OTOG: variants seen among roughly 807,000 people sequenced by gnomAD.
The protein encoded by OTOG is otogelin.
OTOG carries 296 observed loss-of-function variants against 313.8 expected under a neutral mutation model. The observed-to-expected ratio is 0.94, with a 90% CI of 0.86 to 1.04. OTOG has a LOEUF of 1.04. OTOG is among the 50% of genes least tolerant of loss of function. The probability of loss-of-function intolerance (pLI) is 0.00; values close to 1 mark genes in which losing one functional copy is unlikely to be tolerated. For synonymous variants in OTOG, 1,533 were observed against 1,554.9 expected (o/e 0.99, Z 0.33); for missense variants, 3,948 against 3,840.1 (o/e 1.03, Z -0.74).
chr11:17,603,948 G>T (rs1313511156), intron 32 of OTOG, among the ~76,000 whole-genome samples: 1 of 152,130 alleles, frequency 6.6e-6, no homozygotes. Flanking sequence ...GACTTCTCAT[G>T]TGCCGGCACT....
chr11:17,557,945 G>A (rs940119795), intron 8 of OTOG, among the ~76,000 whole-genome samples: 3 of 152,132 alleles, frequency 2.0e-5, no homozygotes, highest in Non-Finnish European at 4.4e-5. Context: ...TGCATCCCCT[G>A]AGTTTGGAGC....
intron 15 of OTOG, among the ~76,000 whole-genome samples, chr11:17,564,395 C>T (rs1852256391): frequency 6.6e-6 from 1 of 152,104 alleles, no homozygotes; most frequent in African/African-American, 2.4e-5. Flanking sequence ...GGCTGAGTGA[C>T]CTAAAAAGTG....
At chr11:17,634,395 G>A in intron 44 of OTOG, 114 bp downstream of exon 44, 1 of 1,178,824 alleles carries the variant, frequency 8.5e-7, no homozygotes, top group Non-Finnish European at 1.2e-6. Context: ...AAAGTGTCTT[G>A]TAGGGGGTGA....
In OTOG at chr11:17,642,504, C is replaced by T. The variant is rs534352618; in HGVS notation, c.8415+258C>T. Among the ~76,000 whole-genome samples, 4 of 152,326 alleles carry T rather than the reference C, an allele frequency of 2.6e-5. No homozygotes were observed. In the East Asian group the frequency reaches 7.7e-4, roughly 29 times the overall value. On this transcript the variant is annotated intron_variant, in intron 53 of 55. Coordinates refer to ENST00000399397, the MANE Select transcript of OTOG (RefSeq NM_001292063.2). ...TGTTACATGTTCTAGGCACATTCAG[C>T]CAGACACCAACACAGGTCACCAGTC...
At position 17,645,737 on chromosome 11, in the gene OTOG, G is replaced by A. The variant is rs1272366508; in HGVS notation, c.8542-7G>A. On this transcript the variant is annotated splice_polypyrimidine_tract_variant and splice_region_variant and intron_variant, in intron 55 of 55. Transcript: ENST00000399397. Reference sequence around the variant, plus strand: ...CACAGACTGCCTCACTGGCCTGCCCGTTCCAGGTGAACCTAGTGTCCTGCG... The same window carrying A: ...CACAGACTGCCTCACTGGCCTGCCCATTCCAGGTGAACCTAGTGTCCTGCG... The A allele has an allele frequency of 5.5e-5, 86 of 1,550,762 alleles. No homozygotes were observed. Among genetic ancestry groups the A allele is most frequent in the African/African-American group, 1.4e-4 (10 of 73,072 alleles).
At chr11:17,588,004 T>A (rs1427682858) in intron 24 of OTOG, among the ~76,000 whole-genome samples, 1 of 152,052 alleles carries the variant, frequency 6.6e-6, no homozygotes, top group Non-Finnish European at 1.5e-5. Flanking sequence ...CTCCTGTGAG[T>A]GCATTGTGCT....
chr11:17,609,354 AT>A lies in OTOG; in HGVS notation c.4354+146del. The A allele has an allele frequency of 5.4e-6, 4 of 747,348 alleles. No homozygotes were observed. The South Asian group carries it at 7.2e-5, about 13-fold the overall frequency. 46.3% of individuals were successfully genotyped at this position (747,348 alleles called of 1,614,324 possible). On this transcript the variant is annotated intron_variant, in intron 35 of 55. Transcript: ENST00000399397. ...TTGGAAAGAGGCACAGGCACAGGGGATGCAGAGGCCTCATCCGGTCTATTCG... is the reference window on the plus strand; with the variant it reads ...TTGGAAAGAGGCACAGGCACAGGGGAGCAGAGGCCTCATCCGGTCTATTCG...
chr11:17,620,825 C>T (rs1252317948), intron 39 of OTOG, among the ~76,000 whole-genome samples: 1 of 152,142 alleles, frequency 6.6e-6, no homozygotes. Flanking sequence ...TTCTGTGCTT[C>T]ATTTCAGATA....
intron 15 of OTOG, among the ~76,000 whole-genome samples, chr11:17,567,304 G>A (rs1028665392): frequency 1.1e-4 from 16 of 152,162 alleles, no homozygotes; most frequent in Admixed American, 1.0e-3. Flanking sequence ...GTACTCCTGG[G>A]CAGGAACTCA....
intron 40 of OTOG, among the ~76,000 whole-genome samples, chr11:17,631,388 G>GT (rs1854121593): frequency 7.2e-6 from 1 of 138,448 alleles, no homozygotes; most frequent in Middle Eastern, 3.4e-3. Flanking sequence ...CTGTGTGTGT[G>GT]TGGGGGGGGG....
chr11:17,553,563 G>A (rs965381855), intron 6 of OTOG, 44 bp downstream of exon 6: 3 of 1,389,018 alleles, frequency 2.2e-6, no homozygotes, highest in Non-Finnish European at 2.8e-6. Context: ...GCTTCTCTAG[G>A]CCCTGGAGGC....
chr11:17,599,869 G>T (rs1010150961), intron 31 of OTOG, among the ~76,000 whole-genome samples, 172 bp downstream of exon 31: 1 of 152,140 alleles, frequency 6.6e-6, no homozygotes, highest in African/African-American at 2.4e-5. Flanking sequence ...GGGCCCAGGG[G>T]TGTCCTGCAC....
intron 39 of OTOG, among the ~76,000 whole-genome samples, chr11:17,619,264 CCT>C: frequency 6.6e-6 from 1 of 152,162 alleles, no homozygotes; most frequent in South Asian, 2.1e-4. Flanking sequence ...GGAGTGAGGC[CCT>C]GTCTCAACAA....
At position 17,645,827 on chromosome 11, in the gene OTOG, G is replaced by C; in HGVS notation, c.8625G>C (p.Lys2875Asn). The C allele has an allele frequency of 6.4e-7, 1 of 1,551,050 alleles. No individual in the cohort carries two copies. Among genetic ancestry groups the C allele is most frequent in the Non-Finnish European group, 8.7e-7 (1 of 1,147,094 alleles). Residue 2875 changes from lysine (K) to asparagine (N), a missense_variant, in exon 56 of 56, where the codon AAG (lysine) becomes AAC (asparagine). Transcript: ENST00000399397. The part of the protein sequence containing the change: ...YNINTYARFC[K>N]CCREVGLQRR... Reference sequence around the variant, plus strand: ...TCAACACCTATGCCCGATTCTGCAAGTGCTGCCGTGAGGTGGGCCTGCAGC... The same window carrying C: ...TCAACACCTATGCCCGATTCTGCAACTGCTGCCGTGAGGTGGGCCTGCAGC...
intron 40 of OTOG, 55 bp from the exon 41 acceptor site, chr11:17,631,647 G>C: frequency 7.2e-7 from 1 of 1,397,990 alleles, no homozygotes. Context: ...GAGAGCTGAC[G>C]ACATGGGAGT....
At chr11:17,551,625 C>A (rs1450956872) in intron 3 of OTOG, among the ~76,000 whole-genome samples, 1 of 152,024 alleles carries the variant, frequency 6.6e-6, no homozygotes, top group Non-Finnish European at 1.5e-5. Flanking sequence ...TGCTCGTAAT[C>A]CAGACAAGGG....
chr11:17,630,573 G>T (rs908706266), intron 40 of OTOG, among the ~76,000 whole-genome samples: 1 of 152,170 alleles, frequency 6.6e-6, no homozygotes, highest in African/African-American at 2.4e-5. Flanking sequence ...TGACAGCTGG[G>T]CACCCTGCTA....
At chr11:17,557,461 A>G in intron 8 of OTOG, 138 bp downstream of exon 8, 1 of 796,514 alleles carries the variant, frequency 1.3e-6, no homozygotes, top group South Asian at 1.8e-5. Flanking sequence ...AAGGCCAAGG[A>G]CCCCTTCCTA....
chr11:17,597,121 C>A (rs1219136988), intron 30 of OTOG, 114 bp downstream of exon 30: 15 of 1,311,762 alleles, frequency 1.1e-5, no homozygotes, highest in African/African-American at 3.0e-5. Context: ...ATGTACCAAG[C>A]ACCAACTGCT....
Sources: gnomAD v4.1 joint callset for allele counts (sites outside exome capture counted in the v4.1 genomes callset) on GRCh38, gnomAD v4.1.1 for gene constraint, MANE v1.5 for transcripts, NCBI Gene and HGNC (gene_info 2026-07-23, HGNC 2026-07-21) for gene names.